The following DNAI4 variants were observed in gnomAD, a reference collection of about 807,000 sequenced individuals.
The protein encoded by DNAI4 is WD repeat domain 78.
In DNAI4, 85 loss-of-function variants were observed where a neutral mutation model predicts 105.8. The observed-to-expected ratio is 0.80, with a 90% confidence interval of 0.67 to 0.96. DNAI4 has a LOEUF of 0.96. DNAI4 is among the 40% of genes least tolerant of loss of function. The probability of loss-of-function intolerance (pLI) is 0.00; values close to 1 mark genes in which losing one functional copy is unlikely to be tolerated. For synonymous variants in DNAI4, 352 were observed against 331.5 expected (o/e 1.06, Z -0.67); for missense variants, 1,014 against 1,005.6 (o/e 1.01, Z -0.11).
At chr1:66,834,236 A>C (rs562481228) in intron 11 of DNAI4, 88 bp from the exon 12 acceptor site, 2 of 999,498 alleles carry the variant, frequency 2.0e-6, no homozygotes, top group South Asian at 3.7e-5. Context: ...TCAGCTTTCT[A>C]GAAGATCATG....
At chr1:66,849,162 T>A (rs934383344) in intron 7 of DNAI4, among the ~76,000 whole-genome samples, 2 of 151,812 alleles carry the variant, frequency 1.3e-5, no homozygotes, top group Admixed American at 1.3e-4. Context: ...TGGTGAAGAG[T>A]CAAAACTTTT....
rs1290204341 is a variant in DNAI4, at chr1:66,847,433, T to C, written c.1291+51A>G. On this transcript the variant is annotated intron_variant, in intron 8 of 16. Coordinates refer to ENST00000371026, the MANE Select transcript of DNAI4 (RefSeq NM_024763.5). ...TCAGCCTCCCAAAGTACTGGGATTATAAGCATAAGCAACTGCACCCAGCCT... is the reference window on the plus strand; with the variant it reads ...TCAGCCTCCCAAAGTACTGGGATTACAAGCATAAGCAACTGCACCCAGCCT... The C allele has an allele frequency of 2.0e-6, 3 of 1,537,028 alleles. No individual in the cohort carries two copies. The African/African-American group carries it at 4.2e-5, about 21-fold the overall frequency.
In DNAI4 at chr1:66,924,525, C is replaced by G; in HGVS notation, c.170+137G>C. On this transcript the variant is annotated intron_variant, in intron 1 of 16. Coordinates refer to ENST00000371026, the MANE Select transcript of DNAI4 (RefSeq NM_024763.5). ...AGGTCGATAAAGGAGACATTGTGGC[C>G]TAGGAGCTTCAAGGTCTACAGACTG... The G allele has an allele frequency of 5.1e-6, 6 of 1,172,494 alleles. No homozygotes were observed. The South Asian group carries it at 8.1e-5, about 16-fold the overall frequency. 72.6% of individuals were successfully genotyped at this position (1,172,494 alleles called of 1,614,324 possible). A position where few individuals can be genotyped will look rare whatever the true frequency, so the allele number is the denominator to read the frequency against.
At chr1:66,828,263 T>A (rs1288013348) in intron 13 of DNAI4, 1 of 155,150 alleles carries the variant, frequency 6.4e-6, no homozygotes, top group Admixed American at 6.5e-5. Context: ...AAATAGTAAG[T>A]GCTCTTTCAT....
chr1:66,819,909 T>TA (rs796727413), intron 16 of DNAI4, among the ~76,000 whole-genome samples: 10 of 151,652 alleles, frequency 6.6e-5, no homozygotes, highest in Non-Finnish European at 1.2e-4. Context: ...ACTTTTTTTT[T>TA]AAAAAAGATG....
intron 1 of DNAI4, chr1:66,919,136 G>A (rs769210611): frequency 1.6e-5 from 7 of 441,986 alleles, no homozygotes; most frequent in South Asian, 1.1e-4. Flanking sequence ...ATAAAACAAA[G>A]ACATGCCCTG....
intron 4 of DNAI4, among the ~76,000 whole-genome samples, chr1:66,880,342 G>A (rs1382632089): frequency 2.6e-5 from 4 of 152,162 alleles, no homozygotes; most frequent in Admixed American, 2.6e-4. Flanking sequence ...GGAGGGCTCA[G>A]AAGAAGACAG....
intron 9 of DNAI4, among the ~76,000 whole-genome samples, chr1:66,837,999 C>A (rs1315854087): frequency 6.6e-6 from 1 of 152,168 alleles, no homozygotes; most frequent in African/African-American, 2.4e-5. Context: ...TAATGCTTCT[C>A]ATTTGCAGGC....
chr1:66,873,806 T>C (rs1646900777), intron 5 of DNAI4, among the ~76,000 whole-genome samples: 2 of 151,848 alleles, frequency 1.3e-5, no homozygotes, highest in African/African-American at 4.8e-5. Context: ...TTTCTCCCCT[T>C]CTGATTTCAA....
chr1:66,900,887 C>A (rs190938239), intron 2 of DNAI4, among the ~76,000 whole-genome samples: 43 of 152,194 alleles, frequency 2.8e-4, no homozygotes, highest in African/African-American at 1.0e-3. Context: ...CCTTTTATTT[C>A]TTTTTCTTGT....
intron 8 of DNAI4, among the ~76,000 whole-genome samples, chr1:66,845,302 A>G (rs187098336): frequency 1.3e-5 from 2 of 152,068 alleles, no homozygotes; most frequent in East Asian, 3.9e-4. Flanking sequence ...CAAGTGACCA[A>G]AATAAACCAC....
intron 6 of DNAI4, among the ~76,000 whole-genome samples, chr1:66,870,127 G>A (rs949937897): frequency 1.3e-5 from 2 of 152,164 alleles, no homozygotes; most frequent in African/African-American, 4.8e-5. Context: ...TAGTTTTGCT[G>A]CATAATAAAG....
intron 6 of DNAI4, chr1:66,871,156 C>A: frequency 2.1e-6 from 1 of 466,784 alleles, no homozygotes; most frequent in Non-Finnish European, 3.7e-6. Context: ...GCATAAAAAC[C>A]AAGATGAATA....
chr1:66,822,661 C>A, intron 15 of DNAI4, 144 bp from the exon 16 acceptor site: 1 of 635,778 alleles, frequency 1.6e-6, no homozygotes, highest in Non-Finnish European at 2.5e-6. Context: ...AAAATAACTG[C>A]TCCTCACTCC....
intron 2 of DNAI4, among the ~76,000 whole-genome samples, chr1:66,895,626 A>T (rs919430842): frequency 6.6e-6 from 1 of 152,166 alleles, no homozygotes; most frequent in Admixed American, 6.5e-5. Flanking sequence ...TATGTTGAAT[A>T]AAAGGGGGCT....
intron 8 of DNAI4, among the ~76,000 whole-genome samples, chr1:66,841,729 G>A (rs1241540552): frequency 1.3e-5 from 2 of 152,056 alleles, no homozygotes; most frequent in African/African-American, 4.8e-5. Flanking sequence ...AATGTGGTGG[G>A]TATCAACATC....
At chr1:66,906,708 C>G (rs1436806996) in intron 1 of DNAI4, among the ~76,000 whole-genome samples, 3 of 152,030 alleles carry the variant, frequency 2.0e-5, no homozygotes, top group African/African-American at 7.2e-5. Flanking sequence ...TGCACTATTT[C>G]AAATTTACAT....
chr1:66,840,589 TTCC>T lies in DNAI4; in HGVS notation c.1371_1373del (p.Glu460del). 1 of 1,614,218 alleles carries T rather than the reference TTCC, an allele frequency of 6.2e-7. No individual in the cohort carries two copies. Among genetic ancestry groups the T allele is most frequent in the Non-Finnish European group, 8.5e-7 (1 of 1,180,034 alleles). ...TTGATTCTTCTGCATGTATTTCTTC[TTCC>T]TCCTCCTTCTTAGATTCTTCCTCTA... is the stretch of plus-strand genomic sequence containing the variant. On this transcript the variant is annotated inframe_deletion, in exon 9 of 17. Coordinates refer to ENST00000371026, the MANE Select transcript of DNAI4 (RefSeq NM_024763.5).
Position 66,852,714 on chromosome 1 carries a change from C to T in DNAI4, c.1097-5036G>A, listed in dbSNP as rs77235071. Among the ~76,000 whole-genome samples the T allele has an allele frequency of 1.8e-3, 280 of 152,106 alleles. 3 individuals carry two copies. The highest frequency in any genetic ancestry group is 6.1e-3 in the African/African-American group (255 of 41,514). ...AAAAATAGAAACAAGCAGGGTGTTACGGACAGAATGATTGTGTCCCTATAA... is the reference window on the plus strand; with the variant it reads ...AAAAATAGAAACAAGCAGGGTGTTATGGACAGAATGATTGTGTCCCTATAA... On this transcript the variant is annotated intron_variant, in intron 7 of 16. Transcript: ENST00000371026.
Sources: gnomAD v4.1 joint callset for allele counts (sites outside exome capture counted in the v4.1 genomes callset) on GRCh38, gnomAD v4.1.1 for gene constraint, MANE v1.5 for transcripts, NCBI Gene and HGNC (gene_info 2026-07-23, HGNC 2026-07-21) for gene names.